The following UBE2E2 variants were observed in gnomAD, a reference collection of about 807,000 sequenced individuals.
The protein encoded by UBE2E2 is ubiquitin-conjugating enzyme E2 E2.
In UBE2E2, 6 loss-of-function variants were observed where a neutral mutation model predicts 24.7. The ratio of observed to expected loss-of-function variants is 0.24; its 90% confidence interval spans 0.13 to 0.48. UBE2E2 has a LOEUF of 0.48. Among genes scored for constraint, UBE2E2 ranks in the 20% least tolerant of loss-of-function variants. UBE2E2 has a pLI of 0.99. For missense variants in UBE2E2, 169 were observed against 245.0 expected, an observed-to-expected ratio of 0.69 and a Z score of 2.07; for synonymous variants, 104 against 83.6, an observed-to-expected ratio of 1.24 and a Z score of -1.33.
chr3:23,310,202 G>A (rs1330772914), intron 3 of UBE2E2, among the ~76,000 whole-genome samples: 4 of 151,738 alleles, frequency 2.6e-5, no homozygotes, highest in African/African-American at 9.7e-5. Context: ...AGTTACGTTG[G>A]TAAGTTTATT....
At chr3:23,299,324 A>G (rs1699005469) in intron 3 of UBE2E2, among the ~76,000 whole-genome samples, 1 of 152,076 alleles carries the variant, frequency 6.6e-6, no homozygotes, top group South Asian at 2.1e-4. Flanking sequence ...GCCTTCTGCT[A>G]GCTTTTGAAT....
intron 3 of UBE2E2, among the ~76,000 whole-genome samples, chr3:23,405,537 A>G (rs746905566): frequency 6.6e-6 from 1 of 152,072 alleles, no homozygotes; most frequent in Non-Finnish European, 1.5e-5. Context: ...ATTTTTCCCC[A>G]TAAAATTTTA....
At chr3:23,323,421 G>T in intron 3 of UBE2E2, 3 of 279,344 alleles carry the variant, frequency 1.1e-5, no homozygotes, top group Non-Finnish European at 1.4e-5. Context: ...GGGTCATTTG[G>T]CATGACCCCA....
At chr3:23,507,726 C>T (rs534976799) in intron 4 of UBE2E2, among the ~76,000 whole-genome samples, 1 of 152,172 alleles carries the variant, frequency 6.6e-6, no homozygotes, top group Non-Finnish European at 1.5e-5. Flanking sequence ...GGATTATACA[C>T]TCTGGTATGA....
intron 5 of UBE2E2, among the ~76,000 whole-genome samples, chr3:23,542,758 T>A (rs1475974446): frequency 6.6e-6 from 1 of 152,232 alleles, no homozygotes; most frequent in East Asian, 1.9e-4. Flanking sequence ...TGAGGCTCTT[T>A]GCTCTGGGAA....
intron 4 of UBE2E2, among the ~76,000 whole-genome samples, chr3:23,513,781 C>T (rs1010046169): frequency 4.6e-5 from 7 of 152,162 alleles, no homozygotes; most frequent in African/African-American, 1.4e-4. Context: ...TAATTGCTTT[C>T]TCTCATTATA....
intron 3 of UBE2E2, among the ~76,000 whole-genome samples, chr3:23,246,628 C>G (rs932312812): frequency 1.3e-5 from 2 of 152,080 alleles, no homozygotes; most frequent in Non-Finnish European, 2.9e-5. Context: ...AAACAGTCCT[C>G]CTGCCTCAGC....
At chr3:23,335,984 T>C (rs1695198496) in intron 3 of UBE2E2, among the ~76,000 whole-genome samples, 1 of 152,194 alleles carries the variant, frequency 6.6e-6, no homozygotes, top group Admixed American at 6.5e-5. Context: ...CCAGATACCG[T>C]GTTCATCATT....
rs1216423651 is a variant in UBE2E2, at chr3:23,589,023, G to A, written c.509-711G>A. Among the ~76,000 whole-genome samples, 1 of 152,074 alleles carries A rather than the reference G, an allele frequency of 6.6e-6. No individual in the cohort carries two copies. The highest frequency in any genetic ancestry group is 1.5e-5 in the Non-Finnish European group (1 of 68,012). On this transcript the variant is annotated intron_variant, in intron 5 of 5. Transcript: ENST00000396703. The surrounding 1 kb of genome is among the most constrained non-coding windows in gnomAD (Gnocchi z 4.1). ...AGAATGCCACCTGCCTGTGGTGCTAGCCTAGGGTAAGGAGTTGTCCAGACC... is the reference window on the plus strand; with the variant it reads ...AGAATGCCACCTGCCTGTGGTGCTAACCTAGGGTAAGGAGTTGTCCAGACC...
rs75146413 is a variant in UBE2E2 at position 23,517,182 on chromosome 3, A to G, written c.361-15372A>G. 6.4e-4 allele frequency among the ~76,000 whole-genome samples: 97 copies of G among 152,238 alleles called. 5 individuals carry two copies. The East Asian group carries it at 0.015, about 24-fold the overall frequency. On this transcript the variant is annotated intron_variant, in intron 4 of 5. Transcript: ENST00000396703. ...TTTGAACTGTTTATTTGAAGTAGAC[A>G]CAATGTAGTGATATGTGCCATGCTT...
intron 3 of UBE2E2, among the ~76,000 whole-genome samples, chr3:23,321,295 A>G (rs1404390795): frequency 6.6e-6 from 1 of 152,178 alleles, no homozygotes; most frequent in East Asian, 1.9e-4. Flanking sequence ...CAGTCCATAA[A>G]GAGCTTGTTC....
chr3:23,246,913 A>G (rs1174442927), intron 3 of UBE2E2, among the ~76,000 whole-genome samples: 1 of 152,016 alleles, frequency 6.6e-6, no homozygotes, highest in Admixed American at 6.5e-5. Flanking sequence ...ATAGAGACGG[A>G]GTCATGCTGT....
chr3:23,417,050 G>A (rs1697655958), intron 3 of UBE2E2, among the ~76,000 whole-genome samples: 1 of 152,140 alleles, frequency 6.6e-6, no homozygotes, highest in Non-Finnish European at 1.5e-5. Context: ...GCCTACTTCT[G>A]TCAGTTCATC....
At chr3:23,418,757 A>G (rs568857856) in intron 3 of UBE2E2, among the ~76,000 whole-genome samples, 1 of 152,212 alleles carries the variant, frequency 6.6e-6, no homozygotes, top group South Asian at 2.1e-4. Flanking sequence ...ACTCTTCAGA[A>G]CAACAGTGAA....
intron 3 of UBE2E2, among the ~76,000 whole-genome samples, chr3:23,301,975 T>C (rs1223771970): frequency 6.6e-6 from 1 of 152,216 alleles, no homozygotes; most frequent in Non-Finnish European, 1.5e-5. Flanking sequence ...TCTTTGTCTT[T>C]AATCATTTTC....
rs138863499 is a variant in UBE2E2 at position 23,316,135 on chromosome 3, C to T, written c.227+98823C>T. Reference sequence around the variant, plus strand: ...CCTGTAACCACTGACTGGCTACTGCCTGTGTTTGCTTAAGGTCCTAGAGCT... The same window carrying T: ...CCTGTAACCACTGACTGGCTACTGCTTGTGTTTGCTTAAGGTCCTAGAGCT... On this transcript the variant is annotated intron_variant, in intron 3 of 5. Transcript: ENST00000396703. Among the ~76,000 whole-genome samples the T allele has an allele frequency of 2.4e-3, 361 of 152,234 alleles. 3 individuals are homozygous for T. The highest frequency in any genetic ancestry group is 8.3e-3 in the African/African-American group (344 of 41,542).
At chr3:23,291,849 A>ATTTTTTTTTTTTTTTTT (rs57708620) in intron 3 of UBE2E2, among the ~76,000 whole-genome samples, 1 of 64,054 alleles carries the variant, frequency 1.6e-5, no homozygotes, top group African/African-American at 7.1e-5. Flanking sequence ...TGCCCGGCTA[A>ATTTTTTTTTTTTTTTTT]TTTTTTTTTT....
intron 3 of UBE2E2, among the ~76,000 whole-genome samples, chr3:23,448,333 A>G (rs1012235649): frequency 2.6e-5 from 4 of 152,150 alleles, no homozygotes; most frequent in African/African-American, 2.4e-5. Context: ...ATCTTTGGCA[A>G]TGTTTTTGTT....
At chr3:23,545,180 C>T (rs1455762572) in intron 5 of UBE2E2, among the ~76,000 whole-genome samples, 1 of 152,118 alleles carries the variant, frequency 6.6e-6, no homozygotes, top group Non-Finnish European at 1.5e-5. Flanking sequence ...ATGCCTTCCT[C>T]TTATACTAAT....
Sources: allele counts gnomAD v4.1 joint callset (sites outside exome capture counted in the v4.1 genomes callset), GRCh38; gene constraint gnomAD v4.1.1; non-coding constraint Gnocchi (gnomAD v3.1); transcripts MANE v1.5; gene names NCBI Gene and HGNC (gene_info 2026-07-23, HGNC 2026-07-21).